Variants in TRPC6 observed in about 807,000 individuals in gnomAD.
The protein encoded by TRPC6 is transient receptor potential cation channel subfamily C member 6.
TRPC6 carries 55 observed loss-of-function variants against 90.7 expected under a neutral mutation model. The observed-to-expected ratio is 0.61, with a 90% CI of 0.49 to 0.76. TRPC6 has a LOEUF of 0.76. Ranked by LOEUF, TRPC6 falls within the 30% of genes least tolerant of loss-of-function variation. TRPC6 has a pLI of 0.00. For synonymous variants in TRPC6, 393 were observed against 393.0 expected (o/e 1.00, Z 0.00); for missense variants, 989 against 1,122.7 (o/e 0.88, Z 1.70).
intron 1 of TRPC6, among the ~76,000 whole-genome samples, chr11:101,580,737 G>A (rs1453499382): frequency 6.6e-6 from 1 of 152,006 alleles, no homozygotes; most frequent in Non-Finnish European, 1.5e-5. Flanking sequence ...ACAAAGACTT[G>A]GGATCTTATA....
At chr11:101,455,915 A>G (rs1257315699) in intron 10 of TRPC6, among the ~76,000 whole-genome samples, 3 of 152,184 alleles carry the variant, frequency 2.0e-5, no homozygotes, top group African/African-American at 4.8e-5. Context: ...ATAAATGAAC[A>G]TAAGCAATTA....
In TRPC6 at chr11:101,452,729, A is replaced by G. The variant is rs1858791054; in HGVS notation, c.*226T>C. On this transcript the variant is annotated 3_prime_UTR_variant, in exon 13 of 13. Transcript: ENST00000344327. ...GAAAGCAGTTTATAAAACAAGCACC[A>G]AACAACTGGGCATAATTTTCCTCAT... 1.8e-6 allele frequency: 1 copy of G among 540,598 alleles called. No individual in the cohort carries two copies. Among genetic ancestry groups the G allele is most frequent in the African/African-American group, 1.9e-5 (1 of 52,714 alleles). The allele number at this position is 540,598 out of a possible 1,614,324, so 33.5% of individuals were successfully genotyped here.
At chr11:101,538,911 T>A (rs1423693524) in intron 1 of TRPC6, among the ~76,000 whole-genome samples, 1 of 152,174 alleles carries the variant, frequency 6.6e-6, no homozygotes, top group Non-Finnish European at 1.5e-5. Flanking sequence ...TCAGCCTGAA[T>A]GAACATGGAA....
In TRPC6 at chr11:101,482,935, A is replaced by T; in HGVS notation, c.1510+14T>A. The stretch of plus-strand genomic sequence containing the variant: ...GACTGCAAACAGAAAACATGACAGA[A>T]AATCAGTCTTTACCTATTACCCAGG... On this transcript the variant is annotated intron_variant, in intron 5 of 12. Transcript: ENST00000344327. 1 of 1,613,420 alleles carries T rather than the reference A, an allele frequency of 6.2e-7. No individual in the cohort carries two copies. Among genetic ancestry groups the T allele is most frequent in the Non-Finnish European group, 8.5e-7 (1 of 1,179,502 alleles).
intron 1 of TRPC6, among the ~76,000 whole-genome samples, chr11:101,580,586 AACTGAAGCCCCATTACT>A (rs200863158): frequency 0.22 from 30,067 of 135,808 alleles, 3,481 homozygotes; most frequent in Middle Eastern, 0.37. Flanking sequence ...TATAAATAAA[AACTGAAGCCCCATTACT>A]ACTGAAGCCC....
intron 3 of TRPC6, 128 bp from the exon 4 acceptor site, chr11:101,489,229 A>C (rs1859747866): frequency 1.1e-6 from 1 of 884,816 alleles, no homozygotes; most frequent in Non-Finnish European, 1.8e-6. Context: ...ACAAACATAA[A>C]ACATCAAATT....
chr11:101,466,647 G>C (rs985780905), intron 10 of TRPC6, among the ~76,000 whole-genome samples: 5 of 152,186 alleles, frequency 3.3e-5, no homozygotes, highest in Non-Finnish European at 5.9e-5. Context: ...TGGGCTCCGT[G>C]GGGGTGGGAC....
chr11:101,482,180 C>T (rs1859566873), intron 5 of TRPC6, among the ~76,000 whole-genome samples: 1 of 152,194 alleles, frequency 6.6e-6, no homozygotes. Flanking sequence ...TACTGACCTG[C>T]CTCCCAGACT....
intron 1 of TRPC6, among the ~76,000 whole-genome samples, chr11:101,561,648 C>T (rs1333139812): frequency 6.6e-6 from 1 of 151,996 alleles, no homozygotes; most frequent in Non-Finnish European, 1.5e-5. Flanking sequence ...CCTTATTCCT[C>T]TCTCTTCTAC....
chr11:101,495,605 T>A (rs937497920), intron 2 of TRPC6, among the ~76,000 whole-genome samples: 1 of 143,870 alleles, frequency 7.0e-6, no homozygotes, highest in African/African-American at 2.6e-5. Flanking sequence ...ATTATTATTA[T>A]TATTATTATT....
At chr11:101,564,636 C>T (rs748043633) in intron 1 of TRPC6, among the ~76,000 whole-genome samples, 18 of 151,948 alleles carry the variant, frequency 1.2e-4, no homozygotes, top group Admixed American at 7.2e-4. Context: ...ATTGTTAAAC[C>T]TTTCATATTA....
At chr11:101,528,813 T>C (rs1397039990) in intron 1 of TRPC6, among the ~76,000 whole-genome samples, 1 of 152,138 alleles carries the variant, frequency 6.6e-6, no homozygotes, top group Non-Finnish European at 1.5e-5. Context: ...TCTTAGATGT[T>C]TTCTGGAAGG....
intron 1 of TRPC6, among the ~76,000 whole-genome samples, chr11:101,522,390 G>C (rs1011175205): frequency 1.3e-5 from 2 of 152,050 alleles, no homozygotes; most frequent in Admixed American, 1.3e-4. Context: ...TAAGTTTCCT[G>C]AGGCCTCCCC....
intron 1 of TRPC6, among the ~76,000 whole-genome samples, chr11:101,525,641 G>C (rs1400236997): frequency 6.6e-6 from 1 of 152,162 alleles, no homozygotes; most frequent in Non-Finnish European, 1.5e-5. Context: ...ACACGTTTTT[G>C]GAACTCAAAG....
intron 10 of TRPC6, among the ~76,000 whole-genome samples, chr11:101,457,899 T>C (rs769003910): frequency 3.9e-5 from 6 of 152,184 alleles, no homozygotes; most frequent in Non-Finnish European, 7.4e-5. Flanking sequence ...CTATGTGGCT[T>C]TAGGTCTATT....
chr11:101,507,336 T>G (rs2136749924), intron 1 of TRPC6, among the ~76,000 whole-genome samples: 1 of 152,120 alleles, frequency 6.6e-6, no homozygotes, highest in East Asian at 1.9e-4. Flanking sequence ...GGGTATTTTT[T>G]TTTTTCAATT....
At chr11:101,557,597 A>G (rs12280648) in intron 1 of TRPC6, among the ~76,000 whole-genome samples, 34,692 of 149,952 alleles carry the variant, frequency 0.23, 4,290 homozygotes, top group Middle Eastern at 0.34. Context: ...ATAATTTTAC[A>G]TACAGAAAAC....
intron 10 of TRPC6, among the ~76,000 whole-genome samples, chr11:101,464,312 C>T (rs983853868): frequency 1.3e-5 from 2 of 152,132 alleles, no homozygotes; most frequent in African/African-American, 2.4e-5. Context: ...ATTAGGTCTG[C>T]TTGGTGCAGA....
chr11:101,471,358 G>A lies in TRPC6; in HGVS notation c.2234C>T (p.Ala745Val). 2 of 1,613,846 alleles carry A rather than the reference G, an allele frequency of 1.2e-6. No homozygotes were observed. The highest frequency in any genetic ancestry group is 1.7e-6 in the Non-Finnish European group (2 of 1,179,826). The change falls in exon 9 of 13, where the codon GCA becomes GTA. Residue 745 changes from alanine (A) to valine (V), a missense_variant. Physicochemically the swap from Ala to Val is moderately conservative, Grantham distance 64. Coordinates refer to ENST00000344327, the MANE Select transcript of TRPC6 (RefSeq NM_004621.6). Reference sequence around the variant, plus strand: ...GTAGGAAAACCAGAGTTTGGCCCTTGCAAATTTCCACTCCACATCAGCGTC... The same window carrying A: ...GTAGGAAAACCAGAGTTTGGCCCTTACAAATTTCCACTCCACATCAGCGTC... ...EDDADVEWKF[A>V]RAKLWFSYFE...
Sources: gnomAD v4.1 joint callset for allele counts (sites outside exome capture counted in the v4.1 genomes callset) on GRCh38, gnomAD v4.1.1 for gene constraint, MANE v1.5 for transcripts, NCBI Gene and HGNC (gene_info 2026-07-23, HGNC 2026-07-21) for gene names.